The following PCDHA4 variants were observed in gnomAD, a reference collection of about 807,000 sequenced individuals.
The protein encoded by PCDHA4 is protocadherin alpha-4.
A neutral mutation model predicts 61.4 loss-of-function variants in PCDHA4; 49 were observed. The observed-to-expected ratio is 0.80, with a 90% confidence interval of 0.63 to 1.01. The LOEUF is 1.01. PCDHA4 is among the 50% of genes least tolerant of loss of function. PCDHA4 has a pLI of 0.00. For synonymous variants in PCDHA4, 590 were observed against 550.3 expected, an observed-to-expected ratio of 1.07 and a Z score of -1.01; for missense variants, 1,254 against 1,235.8, an observed-to-expected ratio of 1.01 and a Z score of -0.22.
At chr5:140,989,153 A>C (rs1409258920) in intron 3 of PCDHA4, among the ~76,000 whole-genome samples, 2 of 152,186 alleles carry the variant, frequency 1.3e-5, no homozygotes, top group Non-Finnish European at 2.9e-5. Flanking sequence ...CTTTTGTTTA[A>C]GAGTGTTGCA....
chr5:140,873,065 C>G (rs1436390392), intron 1 of PCDHA4, among the ~76,000 whole-genome samples: 3 of 152,140 alleles, frequency 2.0e-5, no homozygotes, highest in Admixed American at 2.0e-4. Context: ...TCTTGAGAAT[C>G]ATATCTAGCT....
At chr5:140,856,964 G>A in intron 1 of PCDHA4, 1 of 1,590,750 alleles carries the variant, frequency 6.3e-7, no homozygotes, top group Non-Finnish European at 8.6e-7. Flanking sequence ...AGTAAATGAT[G>A]CTATTGACTT....
intron 1 of PCDHA4, chr5:140,823,709 G>A (rs2150128449): frequency 2.5e-6 from 4 of 1,613,950 alleles, no homozygotes; most frequent in Non-Finnish European, 2.5e-6. Context: ...CCGCGCCACC[G>A]CCTTCTGGTG....
chr5:140,988,075 A>G (rs139957067), intron 3 of PCDHA4, among the ~76,000 whole-genome samples: 4 of 152,258 alleles, frequency 2.6e-5, no homozygotes, highest in Non-Finnish European at 4.4e-5. Flanking sequence ...TTTCTATTTC[A>G]TGAGTGAGTG....
At chr5:140,824,105 A>G in intron 1 of PCDHA4, 1 of 1,614,110 alleles carries the variant, frequency 6.2e-7, no homozygotes, top group East Asian at 2.2e-5. Flanking sequence ...AGCCTTCCTC[A>G]GGGTCCCACC....
rs147149527 is a variant in PCDHA4 at position 140,842,554 on chromosome 5, C to T, written c.2385+32982C>T. The T allele has an allele frequency of 1.0e-3, 1,636 of 1,596,230 alleles. 137 individuals carry two copies. The highest frequency in any genetic ancestry group is 3.5e-3 in the South Asian group (317 of 90,526). On this transcript the variant is annotated intron_variant, in intron 1 of 3. Transcript: ENST00000530339. Reference sequence around the variant, plus strand: ...ATTACTACTCGTTGGTGCTGGACAGCGCCCTGGACCGCGAGAGAGTGTCGG... The same window carrying T: ...ATTACTACTCGTTGGTGCTGGACAGTGCCCTGGACCGCGAGAGAGTGTCGG...
At chr5:140,871,015 G>C in intron 1 of PCDHA4, 1 of 1,613,244 alleles carries the variant, frequency 6.2e-7, no homozygotes, top group Non-Finnish European at 8.5e-7. Context: ...TGCCCTGGAC[G>C]AGGCAGACTC....
chr5:141,008,022 T>C (rs1355928123), intron 3 of PCDHA4, among the ~76,000 whole-genome samples: 3 of 152,226 alleles, frequency 2.0e-5, no homozygotes, highest in Non-Finnish European at 4.4e-5. Context: ...TCCTTTTTTT[T>C]CTTGTTAATC....
chr5:140,850,725 G>A, intron 1 of PCDHA4: 1 of 1,597,982 alleles, frequency 6.3e-7, no homozygotes. Context: ...GTGTTCTAGC[G>A]CGGTGGGGAG....
intron 1 of PCDHA4, chr5:140,847,657 A>C (rs1362536934): frequency 3.3e-5 from 5 of 149,954 alleles, no homozygotes; most frequent in South Asian, 2.1e-4. Context: ...TTATTCATAG[A>C]TTATAAAGCT....
rs2150499479 is a variant in PCDHA4 at position 140,850,817 on chromosome 5, G to C, written c.2385+41245G>C. ...AGACCGACCTCATGGCCTTCAGCCC[G>C]GGCCTTTCTCCTTGTGCTGGATCTA... On this transcript the variant is annotated intron_variant, in intron 1 of 3. Transcript: ENST00000530339. 44 of 1,598,178 alleles carry C rather than the reference G, an allele frequency of 2.8e-5. 6 individuals carry two copies. The highest frequency in any genetic ancestry group is 1.7e-4 in the South Asian group (15 of 90,550).
intron 1 of PCDHA4, chr5:140,865,687 A>G (rs924237080): frequency 3.3e-5 from 5 of 152,204 alleles, no homozygotes; most frequent in African/African-American, 1.2e-4. Flanking sequence ...AGTACATATG[A>G]CTGTTCCAAT....
rs148605499 is a variant in PCDHA4 at position 140,807,632 on chromosome 5, G to C, written c.445G>C (p.Asp149His). 3.2e-5 allele frequency: 51 copies of C among 1,614,100 alleles called. No homozygotes were observed. The highest frequency in any genetic ancestry group is 1.6e-4 in the Middle Eastern group (1 of 6,084). Reference protein sequence around the residue: ...NLSIAESRPLDSRFPLEGASD... With the variant: ...NLSIAESRPLHSRFPLEGASD... ...GTCCATCGCGGAATCCAGGCCGCTT[G>C]ACTCTCGGTTTCCACTAGAGGGCGC... Residue 149 changes from aspartate to histidine, a missense_variant, in exon 1 of 4, where the codon GAC becomes CAC. Physicochemically the swap from Asp to His is moderately conservative, Grantham distance 81. Transcript: ENST00000530339.
At chr5:140,884,130 C>G (rs1554181258) in intron 1 of PCDHA4, 4 of 1,613,434 alleles carry the variant, frequency 2.5e-6, no homozygotes, top group African/African-American at 1.3e-5. Context: ...GCGCGCATCC[C>G]GTTCCGCGTG....
At chr5:140,831,040 T>C (rs1208803286) in intron 1 of PCDHA4, 1 of 152,248 alleles carries the variant, frequency 6.6e-6, no homozygotes, top group East Asian at 1.9e-4. Context: ...CGGGAGGCAA[T>C]AGTGTTCATT....
intron 1 of PCDHA4, among the ~76,000 whole-genome samples, chr5:140,890,494 C>A (rs1554184398): frequency 1.3e-5 from 2 of 152,064 alleles, no homozygotes; most frequent in South Asian, 4.1e-4. Context: ...TTTGTCTCAC[C>A]ATTTTTATGT....
intron 1 of PCDHA4, among the ~76,000 whole-genome samples, chr5:140,970,314 A>G (rs141905108): frequency 0.01 from 1,597 of 152,320 alleles, 13 homozygotes; most frequent in Middle Eastern, 0.014. Flanking sequence ...AAGTTAAATG[A>G]CAGTACTTCC....
At chr5:140,967,355 C>G in intron 1 of PCDHA4, 1 of 1,608,112 alleles carries the variant, frequency 6.2e-7, no homozygotes, top group Non-Finnish European at 8.5e-7. Context: ...CGAGCTGGAC[C>G]TTAAGCCCCT....
intron 1 of PCDHA4, among the ~76,000 whole-genome samples, chr5:140,827,697 A>C (rs1406690730): frequency 6.6e-6 from 1 of 152,212 alleles, no homozygotes; most frequent in Non-Finnish European, 1.5e-5. Context: ...GGTTGATATT[A>C]ATGTTGCAAA....
Sources: allele counts gnomAD v4.1 joint callset (sites outside exome capture counted in the v4.1 genomes callset), GRCh38; gene constraint gnomAD v4.1.1; transcripts MANE v1.5; gene names NCBI Gene and HGNC (gene_info 2026-07-23, HGNC 2026-07-21).